Variants in CCDC141 observed in about 807,000 individuals in gnomAD.
CCDC141 encodes the protein coiled-coil domain containing 141.
A neutral mutation model predicts 181.0 loss-of-function variants in CCDC141; 168 were observed. That is an observed-to-expected ratio of 0.93 (90% CI 0.82 to 1.05). The LOEUF (loss-of-function observed/expected upper bound fraction) is 1.05, where lower values mean the gene tolerates loss of function less well. CCDC141 is among the 50% of genes least tolerant of loss of function. The pLI, the probability that CCDC141 is intolerant of heterozygous loss-of-function variation, is 0.00. For missense variants in CCDC141, 1,902 were observed against 1,788.5 expected (o/e 1.06, Z -1.14); for synonymous variants, 666 against 642.3 (o/e 1.04, Z -0.56).
In CCDC141 at chr2:178,869,100, T is replaced by A; in HGVS notation, c.2394+17A>T. 1 of 1,476,134 alleles carries A rather than the reference T, an allele frequency of 6.8e-7. No homozygotes were observed. Among genetic ancestry groups the A allele is most frequent in the East Asian group, 2.5e-5 (1 of 40,800 alleles). 91.4% of individuals were successfully genotyped at this position (1,476,134 alleles called of 1,614,324 possible). On this transcript the variant is annotated intron_variant, in intron 15 of 23. Transcript: ENST00000443758. ...TTTAAAACTCAGGATTTTTCAGACA[T>A]CCCTTCTAAGCCTTACCTCTTCCTT...
chr2:178,886,087 G>A (rs1425815899), intron 10 of CCDC141, among the ~76,000 whole-genome samples: 1 of 152,142 alleles, frequency 6.6e-6, no homozygotes, highest in Admixed American at 6.6e-5. Context: ...TGAGTTTCCG[G>A]TGGGGACATA....
intron 2 of CCDC141, among the ~76,000 whole-genome samples, chr2:178,988,290 A>G (rs1691853230): frequency 7.6e-6 from 1 of 130,880 alleles, no homozygotes; most frequent in Non-Finnish European, 1.5e-5. Context: ...GGACACAGGA[A>G]GGGGAACATC....
chr2:178,879,691 G>A (rs1686507857), intron 11 of CCDC141, among the ~76,000 whole-genome samples: 1 of 152,298 alleles, frequency 6.6e-6, no homozygotes, highest in South Asian at 2.1e-4. Context: ...TGGGCACACT[G>A]AGGAGAGACC....
At chr2:178,860,302 G>A (rs1212806775) in intron 17 of CCDC141, among the ~76,000 whole-genome samples, 1 of 151,964 alleles carries the variant, frequency 6.6e-6, no homozygotes, top group Non-Finnish European at 1.5e-5. Context: ...GGAGGCTGAG[G>A]CGGGTGGATC....
At chr2:179,012,660 C>CA (rs1294677107) in intron 2 of CCDC141, among the ~76,000 whole-genome samples, 1 of 151,808 alleles carries the variant, frequency 6.6e-6, no homozygotes, top group Non-Finnish European at 1.5e-5. Context: ...AGGACATAAC[C>CA]AAAAAAGAAA....
In CCDC141 at chr2:178,834,147, G is replaced by A. The variant is rs1457415260; in HGVS notation, c.*26C>T. ...CACTTTTCTTTAGGCACATGAGAAT[G>A]ATGTCCATTGGTGCCAACACCACAG... On this transcript the variant is annotated 3_prime_UTR_variant, in exon 24 of 24. Coordinates refer to ENST00000443758, the MANE Select transcript of CCDC141 (RefSeq NM_173648.4). 5 of 1,527,900 alleles carry A rather than the reference G, an allele frequency of 3.3e-6. No individual in the cohort carries two copies. Among genetic ancestry groups the A allele is most frequent in the Non-Finnish European group, 4.4e-6 (5 of 1,140,152 alleles). The allele number at this position is 1,527,900 out of a possible 1,614,324, so 94.6% of individuals were successfully genotyped here.
At chr2:179,000,298 T>C (rs554242142) in intron 2 of CCDC141, among the ~76,000 whole-genome samples, 208 of 152,046 alleles carry the variant, frequency 1.4e-3, no homozygotes, top group African/African-American at 4.9e-3. Flanking sequence ...CATAATAAAG[T>C]TTTTTTTGGA....
chr2:178,926,375 G>C (rs1421344806), intron 6 of CCDC141: 1 of 152,158 alleles, frequency 6.6e-6, no homozygotes, highest in East Asian at 1.9e-4. Flanking sequence ...CAACTAACTT[G>C]ACTCTGAAAA....
intron 6 of CCDC141, among the ~76,000 whole-genome samples, chr2:178,941,175 T>C (rs949265851): frequency 1.3e-5 from 2 of 152,222 alleles, no homozygotes; most frequent in Non-Finnish European, 2.9e-5. Context: ...GTCTGATTGC[T>C]GTTTGCCTTA....
intron 2 of CCDC141, among the ~76,000 whole-genome samples, chr2:178,993,511 T>A (rs1692149071): frequency 6.6e-6 from 1 of 152,138 alleles, no homozygotes; most frequent in African/African-American, 2.4e-5. Context: ...ATTCAATTGC[T>A]TCCCACCAGG....
rs138185308 is a variant in CCDC141, at chr2:179,026,468, C to T, written c.225+20816G>A. On this transcript the variant is annotated intron_variant, in intron 2 of 23. Coordinates refer to ENST00000443758, the MANE Select transcript of CCDC141 (RefSeq NM_173648.4). ...GTCAAGAACTAAGGTGTGGGAACCT[C>T]TGCCTAGATTTCAGAGGATGTATGG... 5.1e-3 allele frequency among the ~76,000 whole-genome samples: 774 copies of T among 152,320 alleles called. 12 individuals carry two copies. Among genetic ancestry groups the T allele is most frequent in the African/African-American group, 0.018 (732 of 41,560 alleles).
chr2:178,833,181 C>G lies in CCDC141; in HGVS notation c.*992G>C, dbSNP rs1235299623. ...CCTTTAATTTAATATTCTAAAAAAACAGCATCTAAAAAAAAAGAAATAGTG... is the reference window on the plus strand; with the variant it reads ...CCTTTAATTTAATATTCTAAAAAAAGAGCATCTAAAAAAAAAGAAATAGTG... On this transcript the variant is annotated 3_prime_UTR_variant, in exon 24 of 24. Coordinates refer to ENST00000443758, the MANE Select transcript of CCDC141 (RefSeq NM_173648.4). 1 of 152,014 alleles carries G rather than the reference C, an allele frequency of 6.6e-6. No individual in the cohort carries two copies. The highest frequency in any genetic ancestry group is 1.5e-5 in the Non-Finnish European group (1 of 67,992). 9.4% of individuals were successfully genotyped at this position (152,014 alleles called of 1,614,324 possible).
chr2:178,948,919 T>G (rs767076781), intron 5 of CCDC141, among the ~76,000 whole-genome samples: 5 of 152,176 alleles, frequency 3.3e-5, no homozygotes, highest in Non-Finnish European at 7.3e-5. Context: ...AATTACCCAG[T>G]TTCAGGTGTT....
chr2:178,926,111 CT>C (rs1359997127), intron 6 of CCDC141, among the ~76,000 whole-genome samples: 1 of 151,902 alleles, frequency 6.6e-6, no homozygotes, highest in Non-Finnish European at 1.5e-5. Flanking sequence ...GGCTCACCCC[CT>C]ATCCACTGAA....
chr2:179,032,762 T>TA (rs1398423189), intron 2 of CCDC141, among the ~76,000 whole-genome samples: 1 of 151,426 alleles, frequency 6.6e-6, no homozygotes, highest in African/African-American at 2.4e-5. Context: ...CTAGAACCAG[T>TA]AAAAAAGACA....
intron 2 of CCDC141, among the ~76,000 whole-genome samples, chr2:179,003,588 C>A (rs1033812590): frequency 5.3e-5 from 8 of 151,976 alleles, no homozygotes; most frequent in African/African-American, 1.2e-4. Context: ...TTTTGTGTAC[C>A]TTCTAACTAC....
In CCDC141 at chr2:178,853,584, C is replaced by G. The variant is rs1042812438; in HGVS notation, c.3101G>C (p.Arg1034Thr). 6.2e-7 allele frequency: 1 copy of G among 1,613,882 alleles called. No homozygotes were observed. The highest frequency in any genetic ancestry group is 1.3e-5 in the African/African-American group (1 of 75,036). ...GCACTCTGTGGAATATTTTCCAACT[C>G]TTACAACTGTGGCACTTGCATCTTC... ...WYEDASATVV[R>T]VGKYSTECKT... Residue 1034 changes from arginine (R) to threonine (T), a missense_variant, in exon 20 of 24, where the codon AGA becomes ACA. Transcript: ENST00000443758.
chr2:179,024,109 T>A (rs1380468864), intron 2 of CCDC141, among the ~76,000 whole-genome samples: 1 of 152,196 alleles, frequency 6.6e-6, no homozygotes, highest in Non-Finnish European at 1.5e-5. Flanking sequence ...AAATCCATCC[T>A]CTGGCTCAGT....
At position 178,855,512 on chromosome 2, in the gene CCDC141, A is replaced by G. The variant is rs767879577; in HGVS notation, c.2895T>C (p.Ser965=). 2.5e-6 allele frequency: 4 copies of G among 1,592,676 alleles called. No individual in the cohort carries two copies. Among genetic ancestry groups the G allele is most frequent in the Non-Finnish European group, 3.4e-6 (4 of 1,173,016 alleles). The change falls in exon 19 of 24, where the codon AGT becomes AGC. Residue 965 remains serine, a synonymous_variant. Transcript: ENST00000443758. ...QALKRKMEKV[S]NKTSDSFLNY... Reference sequence around the variant, plus strand: ...TTAAGAAAGAATCAGAGGTTTTATTACTAACTTTTTCCATTTTCCTTTTCA... The same window carrying G: ...TTAAGAAAGAATCAGAGGTTTTATTGCTAACTTTTTCCATTTTCCTTTTCA...
Sources: gnomAD v4.1 joint callset for allele counts (sites outside exome capture counted in the v4.1 genomes callset) on GRCh38, gnomAD v4.1.1 for gene constraint, MANE v1.5 for transcripts, NCBI Gene and HGNC (gene_info 2026-07-23, HGNC 2026-07-21) for gene names.